The following IFT122 variants were observed in gnomAD, a reference collection of about 807,000 sequenced individuals.
The protein encoded by IFT122 is intraflagellar transport 122.
A neutral mutation model predicts 161.6 loss-of-function variants in IFT122; 118 were observed. That is an observed-to-expected ratio of 0.73 (90% CI 0.63 to 0.85). The LOEUF (loss-of-function observed/expected upper bound fraction) is 0.85. Among genes scored for constraint, IFT122 ranks in the 40% least tolerant of loss-of-function variants. IFT122 has a pLI of 0.00. For missense variants in IFT122, 1,381 were observed against 1,579.6 expected (o/e 0.87, Z 2.13); for synonymous variants, 550 against 602.4 (o/e 0.91, Z 1.27).
rs538466268 is a variant in IFT122, at chr3:129,480,838, T to C, written c.1489-692T>C. Among the ~76,000 whole-genome samples, 30 of 152,188 alleles carry C rather than the reference T, an allele frequency of 2.0e-4. No homozygotes were observed. The South Asian group carries it at 4.6e-3, about 23-fold the overall frequency. ...TTCATAGGGCTGTCAAAAACAGATATCATCAGGGTTGGGAGTTAAAGCCAA... is the reference window on the plus strand; with the variant it reads ...TTCATAGGGCTGTCAAAAACAGATACCATCAGGGTTGGGAGTTAAAGCCAA... On this transcript the variant is annotated intron_variant, in intron 13 of 29. Coordinates refer to ENST00000348417, the MANE Select transcript of IFT122 (RefSeq NM_052989.3).
chr3:129,472,743 A>G (rs1305215591), intron 9 of IFT122, among the ~76,000 whole-genome samples: 1 of 152,140 alleles, frequency 6.6e-6, no homozygotes, highest in East Asian at 1.9e-4. Context: ...TCTCCAAGTC[A>G]TCGAGGCCCT....
intron 25 of IFT122, chr3:129,515,121 G>C (rs2083324615): frequency 4.8e-6 from 2 of 416,210 alleles, no homozygotes; most frequent in Non-Finnish European, 9.0e-6. Context: ...CTTTCCCACA[G>C]GTAGTTGTGA....
chr3:129,473,002 T>C, intron 9 of IFT122, among the ~76,000 whole-genome samples: 1 of 152,216 alleles, frequency 6.6e-6, no homozygotes, highest in East Asian at 1.9e-4. Flanking sequence ...AATAACTGTT[T>C]TAAAATTCTC....
intron 7 of IFT122, among the ~76,000 whole-genome samples, chr3:129,466,429 T>C (rs1483707786): frequency 4.6e-5 from 7 of 151,892 alleles, no homozygotes; most frequent in Non-Finnish European, 1.0e-4. Flanking sequence ...CAGGAGGCCC[T>C]GTATACCTGG....
intron 17 of IFT122, among the ~76,000 whole-genome samples, chr3:129,494,986 C>A (rs1345303576): frequency 1.3e-5 from 2 of 152,130 alleles, no homozygotes; most frequent in Non-Finnish European, 2.9e-5. Flanking sequence ...GTAGGGATAT[C>A]GTAAGACTTG....
intron 15 of IFT122, chr3:129,487,890 AGAGGT>A (rs1171502322): frequency 5.5e-6 from 2 of 361,806 alleles, no homozygotes; most frequent in African/African-American, 4.2e-5. Context: ...ACTCTGCAGA[AGAGGT>A]GACATTTCAA....
At chr3:129,508,932 T>C (rs1471803415) in intron 23 of IFT122, among the ~76,000 whole-genome samples, 1 of 152,210 alleles carries the variant, frequency 6.6e-6, no homozygotes, top group Non-Finnish European at 1.5e-5. Context: ...ATCTCCTCGA[T>C]TTGCTGAGCA....
At chr3:129,471,115 C>T (rs1434150073) in intron 9 of IFT122, among the ~76,000 whole-genome samples, 3 of 152,168 alleles carry the variant, frequency 2.0e-5, no homozygotes. Context: ...ACACCACAGC[C>T]AAGCAAGTGA....
chr3:129,511,179 A>G (rs2082777283), intron 23 of IFT122, among the ~76,000 whole-genome samples: 1 of 152,212 alleles, frequency 6.6e-6, no homozygotes, highest in Non-Finnish European at 1.5e-5. Context: ...CCCAGAGGAA[A>G]GGACTCCCCT....
intron 19 of IFT122, among the ~76,000 whole-genome samples, chr3:129,502,473 C>A (rs1227405930): frequency 6.6e-6 from 1 of 152,198 alleles, no homozygotes; most frequent in African/African-American, 2.4e-5. Context: ...TGCTGGATAG[C>A]TCAGTGACTT....
rs182864051 is a variant in IFT122, at chr3:129,506,730, A to G, written c.2791+181A>G. On this transcript the variant is annotated intron_variant, in intron 22 of 29. Transcript: ENST00000348417. ...CATCTTTTTCCAGTTTGCCCATCAG[A>G]ATGGTATGAGGACCGTCCTGGGGTT... Among the ~76,000 whole-genome samples, 60 of 152,290 alleles carry G rather than the reference A, an allele frequency of 3.9e-4. 1 individual carries two copies. In the East Asian group the frequency reaches 6.6e-3, roughly 17 times the overall value.
chr3:129,519,519 C>G, intron 28 of IFT122, 49 bp from the exon 29 acceptor site: 3 of 1,607,682 alleles, frequency 1.9e-6, no homozygotes, highest in Non-Finnish European at 2.5e-6. Flanking sequence ...ACAGATGTCT[C>G]ACTGTGGCTG....
chr3:129,481,933 C>T lies in IFT122; in HGVS notation c.1653+239C>T, dbSNP rs539899842. Among the ~76,000 whole-genome samples the T allele has an allele frequency of 5.0e-4, 76 of 152,330 alleles. 1 individual carries two copies. Among genetic ancestry groups the T allele is most frequent in the East Asian group, 1.2e-3 (6 of 5,164 alleles). Reference sequence around the variant, plus strand: ...CTTTGGTTTCCTTGCCAATGGAAACCGAAGGCTCTGAGCCAGCAGAGCCTT... The same window carrying T: ...CTTTGGTTTCCTTGCCAATGGAAACTGAAGGCTCTGAGCCAGCAGAGCCTT... On this transcript the variant is annotated intron_variant, in intron 14 of 29. Transcript: ENST00000348417.
chr3:129,484,993 C>T (rs549571881), intron 15 of IFT122, among the ~76,000 whole-genome samples: 1 of 152,290 alleles, frequency 6.6e-6, no homozygotes, highest in African/African-American at 2.4e-5. Context: ...GTGCTTTTTA[C>T]AGCCAGCACC....
intron 3 of IFT122, among the ~76,000 whole-genome samples, chr3:129,457,539 T>A (rs1238339458): frequency 6.6e-6 from 1 of 152,126 alleles, no homozygotes; most frequent in Non-Finnish European, 1.5e-5. Context: ...GGCTAAGCTC[T>A]GCTCATCCTT....
intron 29 of IFT122, 147 bp downstream of exon 29, chr3:129,519,879 C>A: frequency 1.0e-6 from 1 of 987,728 alleles, no homozygotes; most frequent in Middle Eastern, 2.3e-4. Context: ...CTCTCCCCTG[C>A]TTGCATTCCA....
chr3:129,475,522 C>T (rs765661439), intron 9 of IFT122, among the ~76,000 whole-genome samples: 8 of 152,272 alleles, frequency 5.3e-5, no homozygotes, highest in Admixed American at 2.6e-4. Context: ...CGTGTTCTCA[C>T]ACATCTGTAG....
chr3:129,458,623 C>T lies in IFT122; in HGVS notation c.218C>T (p.Ala73Val), dbSNP rs926701737. Residue 73 changes from alanine to valine, a missense_variant, in exon 4 of 30, where the codon GCT (alanine) becomes GTT (valine). Physicochemically the swap from Ala to Val is moderately conservative, Grantham distance 64 (BLOSUM62 0). This residue lies in a region of IFT122 where 134 missense variants were observed against 137.4 expected (regional missense o/e 0.98). Transcript: ENST00000348417. ...KDGKRFASGS[A>V]DKSVIIWTSK... ...GGCAAGCGCTTTGCTTCTGGATCAG[C>T]TGACAAAAGCGTTATTATCTGGACA... The T allele has an allele frequency of 1.2e-6, 2 of 1,614,072 alleles. No homozygotes were observed. Among genetic ancestry groups the T allele is most frequent in the South Asian group, 1.1e-5 (1 of 91,080 alleles).
At chr3:129,460,955 G>T in intron 4 of IFT122, 1 of 1,609,112 alleles carries the variant, frequency 6.2e-7, no homozygotes, top group Non-Finnish European at 8.5e-7. Flanking sequence ...AAAGGCCAAG[G>T]TGGGAGGATT....
Sources: allele counts gnomAD v4.1 joint callset (sites outside exome capture counted in the v4.1 genomes callset), GRCh38; gene constraint gnomAD v4.1.1; regional missense constraint gnomAD v4.1.1; transcripts MANE v1.5; gene names NCBI Gene and HGNC (gene_info 2026-07-23, HGNC 2026-07-21).